The following PTPRN2 variants were observed in gnomAD, a reference collection of about 807,000 sequenced individuals.
PTPRN2 encodes protein tyrosine phosphatase receptor type N2, also known as receptor-type tyrosine-protein phosphatase N2.
Under a neutral mutation model 118.8 loss-of-function variants are expected in PTPRN2, and 74 were observed. That is an observed-to-expected ratio of 0.62 (90% CI 0.52 to 0.76). PTPRN2 has a LOEUF of 0.76. Ranked by LOEUF, PTPRN2 falls within the 30% of genes least tolerant of loss-of-function variation. PTPRN2 has a pLI of 0.00. For missense variants in PTPRN2, 1,481 were observed against 1,394.4 expected, an observed-to-expected ratio of 1.06 and a Z score of -0.99; for synonymous variants, 641 against 608.0, an observed-to-expected ratio of 1.05 and a Z score of -0.80.
intron 15 of PTPRN2, among the ~76,000 whole-genome samples, chr7:157,612,507 CAGA>C (rs1480693499): frequency 2.0e-5 from 3 of 152,194 alleles, no homozygotes; most frequent in Admixed American, 6.5e-5. Context: ...AGGGTATCAC[CAGA>C]AGAACAGCTC....
chr7:158,340,516 C>A (rs1806502924), intron 2 of PTPRN2, among the ~76,000 whole-genome samples: 1 of 128,650 alleles, frequency 7.8e-6, no homozygotes, highest in Non-Finnish European at 1.7e-5. Context: ...CACTCACACC[C>A]ACATTCTCAC....
At chr7:158,241,774 T>C (rs1353230276) in intron 3 of PTPRN2, among the ~76,000 whole-genome samples, 2 of 152,138 alleles carry the variant, frequency 1.3e-5, no homozygotes, top group Admixed American at 6.5e-5. Context: ...TAATCACAGC[T>C]CTGAGGTCCT....
intron 11 of PTPRN2, among the ~76,000 whole-genome samples, chr7:158,044,669 T>C (rs1010321709): frequency 2.0e-5 from 3 of 152,066 alleles, no homozygotes; most frequent in Non-Finnish European, 4.4e-5. Context: ...GAACCCGTGC[T>C]GAAGAGACCA....
chr7:158,130,870 C>T (rs1563478471), intron 9 of PTPRN2, among the ~76,000 whole-genome samples: 1 of 149,850 alleles, frequency 6.7e-6, no homozygotes, highest in Admixed American at 6.7e-5. Flanking sequence ...CACTCATATA[C>T]ACGCATGCAT....
rs1585230976 is a variant in PTPRN2, at chr7:157,682,868, G to C, written c.1858C>G (p.Leu620Val). ...EDSTKFIALT[L>V]VSLACILGVL... is the part of the protein sequence containing the mutation. ...CCCAGGATGCAGGCGAGGGAGACCA[G>C]GGTGAGCGCGATGAACTTGGTGGAG... The change falls in exon 13 of 23, where the codon CTG becomes GTG. Residue 620 changes from leucine to valine, a missense_variant. Leu to Val is a conservative substitution (Grantham distance 32). Around this residue, in one of 3 missense-constraint regions of PTPRN2, gnomAD observed 1,115 missense variants for 994.2 expected, o/e 1.12. Transcript: ENST00000389418. 2 of 1,614,034 alleles carry C rather than the reference G, an allele frequency of 1.2e-6. No homozygotes were observed. Among genetic ancestry groups the C allele is most frequent in the Non-Finnish European group, 1.7e-6 (2 of 1,179,966 alleles).
At chr7:157,864,386 G>GC (rs1308919928) in intron 12 of PTPRN2, 1 of 152,226 alleles carries the variant, frequency 6.6e-6, no homozygotes, top group African/African-American at 2.4e-5. Flanking sequence ...CTGGGGACGG[G>GC]CCCCGGATGC....
intron 1 of PTPRN2, among the ~76,000 whole-genome samples, chr7:158,515,871 G>T (rs1209076835): frequency 6.6e-6 from 1 of 152,180 alleles, no homozygotes; most frequent in Non-Finnish European, 1.5e-5. Context: ...AGTCAGGAAT[G>T]ATTCCTAAAT....
chr7:158,008,140 T>C (rs1386366468), intron 11 of PTPRN2, among the ~76,000 whole-genome samples: 1 of 45,184 alleles, frequency 2.2e-5, no homozygotes, highest in Non-Finnish European at 6.0e-5. Flanking sequence ...CATGTACACA[T>C]GTGTGAGTGT....
At chr7:158,245,026 G>A (rs1341935682) in intron 3 of PTPRN2, among the ~76,000 whole-genome samples, 1 of 152,216 alleles carries the variant, frequency 6.6e-6, no homozygotes, top group Non-Finnish European at 1.5e-5. Context: ...ACGTCGTCTT[G>A]AGGATGGCCT....
chr7:157,658,108 C>T (rs1795688241), intron 13 of PTPRN2, among the ~76,000 whole-genome samples: 1 of 152,190 alleles, frequency 6.6e-6, no homozygotes, highest in Admixed American at 6.5e-5. Context: ...CTGTCATCAA[C>T]GTGGAATATT....
intron 11 of PTPRN2, among the ~76,000 whole-genome samples, chr7:158,058,670 G>A (rs1585296901): frequency 1.2e-5 from 1 of 86,578 alleles, no homozygotes. Flanking sequence ...AGACATCACT[G>A]CAGCCACACT....
chr7:157,812,386 A>ATGAGGGAGGTGAGGGAGGTGAGGGAGG (rs540777882), intron 12 of PTPRN2, among the ~76,000 whole-genome samples: 2 of 145,666 alleles, frequency 1.4e-5, no homozygotes, highest in South Asian at 4.2e-4. Flanking sequence ...CCTTTGGGGC[A>ATGAGGGAGGTGAGGGAGGTGAGGGAGG]TGAGGGAGGT....
intron 11 of PTPRN2, among the ~76,000 whole-genome samples, chr7:158,002,195 G>A (rs916142189): frequency 6.6e-6 from 1 of 152,198 alleles, no homozygotes; most frequent in East Asian, 1.9e-4. Flanking sequence ...CAGCCCCCGC[G>A]GGAAACACGG....
intron 2 of PTPRN2, among the ~76,000 whole-genome samples, chr7:158,355,510 A>G (rs1455656064): frequency 6.6e-6 from 1 of 152,210 alleles, no homozygotes; most frequent in Non-Finnish European, 1.5e-5. Context: ...GAACTGAGGA[A>G]ATGCAACTGC....
intron 21 of PTPRN2, 126 bp downstream of exon 21, chr7:157,568,762 ACCACCTTCCTACGG>A (rs1271446930): frequency 1.2e-6 from 1 of 803,730 alleles, no homozygotes; most frequent in African/African-American, 1.7e-5. Context: ...CTTGCTGCAA[ACCACCTTCCTACGG>A]CCCAGCAGAG....
intron 9 of PTPRN2, among the ~76,000 whole-genome samples, chr7:158,128,603 C>T (rs1339241676): frequency 6.6e-6 from 1 of 152,200 alleles, no homozygotes; most frequent in Non-Finnish European, 1.5e-5. Context: ...AAGTGCGAGG[C>T]TGCTGCAGAC....
chr7:157,732,206 C>G (rs1285738848), intron 12 of PTPRN2, among the ~76,000 whole-genome samples: 1 of 88,758 alleles, frequency 1.1e-5, no homozygotes, highest in African/African-American at 4.2e-5. Flanking sequence ...CCCACGCGCC[C>G]AGCACAGTTA....
At chr7:157,577,749 C>G (rs894010374) in intron 18 of PTPRN2, among the ~76,000 whole-genome samples, 4 of 152,242 alleles carry the variant, frequency 2.6e-5, no homozygotes, top group African/African-American at 9.6e-5. Flanking sequence ...CTCCCAGGGT[C>G]TGGTTCATGA....
At chr7:157,937,797 A>C (rs4716815) in intron 11 of PTPRN2, among the ~76,000 whole-genome samples, 37,827 of 152,016 alleles carry the variant, frequency 0.25, 7,024 homozygotes, top group African/African-American at 0.49. Flanking sequence ...CTGTCTGAAC[A>C]GTCCTGCGTA....
Sources: allele counts gnomAD v4.1 joint callset (sites outside exome capture counted in the v4.1 genomes callset), GRCh38; gene constraint gnomAD v4.1.1; regional missense constraint gnomAD v4.1.1; transcripts MANE v1.5; gene names NCBI Gene and HGNC (gene_info 2026-07-23, HGNC 2026-07-21).